RORA: variants seen among roughly 807,000 people sequenced by gnomAD.
RORA encodes nuclear receptor ROR-alpha.
A neutral mutation model predicts 69.5 loss-of-function variants in RORA; 7 were observed. The observed-to-expected ratio is 0.10, with a 90% CI of 0.06 to 0.19. The LOEUF is 0.19. RORA is among the 10% of genes least tolerant of loss of function. The pLI is 1.00. For missense variants in RORA, 457 were observed against 663.0 expected, an observed-to-expected ratio of 0.69 and a Z score of 3.41; for synonymous variants, 261 against 240.8, an observed-to-expected ratio of 1.08 and a Z score of -0.78.
chr15:61,035,056 C>A (rs1008293575), intron 1 of RORA, among the ~76,000 whole-genome samples: 3 of 152,106 alleles, frequency 2.0e-5, no homozygotes, highest in Non-Finnish European at 1.5e-5. Flanking sequence ...TATAAACAGA[C>A]CTTAATTAGC....
intron 2 of RORA, among the ~76,000 whole-genome samples, chr15:60,609,969 G>C (rs146519483): frequency 2.6e-4 from 39 of 152,264 alleles, no homozygotes; most frequent in African/African-American, 9.1e-4. Flanking sequence ...AAAGTCCAGG[G>C]ACTGATGTGA....
At chr15:60,744,283 G>A (rs1401313843) in intron 1 of RORA, among the ~76,000 whole-genome samples, 2 of 152,176 alleles carry the variant, frequency 1.3e-5, no homozygotes, top group Non-Finnish European at 2.9e-5. Flanking sequence ...AAACCAATGT[G>A]TGCTTCTTTG....
intron 9 of RORA, among the ~76,000 whole-genome samples, 192 bp downstream of exon 9, chr15:60,500,767 G>A (rs1254713016): frequency 6.6e-6 from 1 of 152,170 alleles, no homozygotes; most frequent in African/African-American, 2.4e-5. Context: ...TTTCTCAAAA[G>A]AATATATGTT....
intron 1 of RORA, among the ~76,000 whole-genome samples, chr15:61,103,143 G>A (rs1421917709): frequency 6.6e-6 from 1 of 152,178 alleles, no homozygotes; most frequent in African/African-American, 2.4e-5. Flanking sequence ...TGGAGTATGA[G>A]AGAAAGCAAT....
intron 1 of RORA, among the ~76,000 whole-genome samples, chr15:60,858,129 T>C (rs751270831): frequency 7.9e-5 from 12 of 152,192 alleles, no homozygotes; most frequent in Admixed American, 2.0e-4. Context: ...ATGGCCAGTA[T>C]ATAACGTTAC....
intron 2 of RORA, among the ~76,000 whole-genome samples, chr15:60,594,209 A>G (rs1277441419): frequency 1.3e-5 from 2 of 152,376 alleles, no homozygotes; most frequent in African/African-American, 4.8e-5. Context: ...CAAATGAATC[A>G]GCCATACCCA....
At chr15:61,054,554 G>A (rs1428684757) in intron 1 of RORA, among the ~76,000 whole-genome samples, 1 of 152,150 alleles carries the variant, frequency 6.6e-6, no homozygotes, top group East Asian at 1.9e-4. Flanking sequence ...CAGGCCTTTT[G>A]ATTTAGGCTC....
At chr15:60,974,448 G>T (rs1462990674) in intron 1 of RORA, among the ~76,000 whole-genome samples, 2 of 152,088 alleles carry the variant, frequency 1.3e-5, no homozygotes, top group African/African-American at 2.4e-5. Flanking sequence ...CACACAGCCA[G>T]CCAGGTAGTT....
chr15:60,963,837 T>C (rs747366068), intron 1 of RORA, among the ~76,000 whole-genome samples: 4 of 152,212 alleles, frequency 2.6e-5, no homozygotes, highest in Admixed American at 2.0e-4. Context: ...CTAGCCACAG[T>C]AGGAACTCTT....
chr15:60,726,578 C>A (rs1013805327), intron 1 of RORA, among the ~76,000 whole-genome samples: 1 of 152,208 alleles, frequency 6.6e-6, no homozygotes, highest in Non-Finnish European at 1.5e-5. Context: ...AGCATCCAAT[C>A]ATCTCTTGAA....
At chr15:60,584,880 A>G (rs572218154) in intron 2 of RORA, among the ~76,000 whole-genome samples, 1 of 152,354 alleles carries the variant, frequency 6.6e-6, no homozygotes, top group Admixed American at 6.5e-5. Context: ...AAACTTAACC[A>G]CAAGTCTTCA....
At chr15:60,777,352 C>G (rs2072184586) in intron 1 of RORA, among the ~76,000 whole-genome samples, 1 of 152,210 alleles carries the variant, frequency 6.6e-6, no homozygotes, top group African/African-American at 2.4e-5. Context: ...GCCTAGATAT[C>G]ACGAGACCCT....
chr15:60,516,045 ATT>A (rs1306317467), intron 3 of RORA, among the ~76,000 whole-genome samples: 10,019 of 19,614 alleles, frequency 0.51, 2,130 homozygotes, highest in Middle Eastern at 0.74. Flanking sequence ...ATATTTATAT[ATT>A]TATATATATT....
At chr15:61,042,790 T>C (rs1896845076) in intron 1 of RORA, among the ~76,000 whole-genome samples, 1 of 152,228 alleles carries the variant, frequency 6.6e-6, no homozygotes, top group Non-Finnish European at 1.5e-5. Flanking sequence ...ACCTCATTTT[T>C]GCCTGCCTGG....
intron 1 of RORA, among the ~76,000 whole-genome samples, chr15:60,891,919 G>C (rs981789731): frequency 1.3e-5 from 2 of 152,150 alleles, no homozygotes; most frequent in African/African-American, 4.8e-5. Flanking sequence ...GGTGGGTTTA[G>C]TACCACTCCT....
chr15:60,645,976 G>A (rs2070038077), intron 2 of RORA, among the ~76,000 whole-genome samples: 2 of 152,168 alleles, frequency 1.3e-5, no homozygotes, highest in Non-Finnish European at 2.9e-5. Context: ...CACCATATGT[G>A]AGCATGAAAA....
chr15:61,127,422 A>T (rs997027889), intron 1 of RORA, among the ~76,000 whole-genome samples: 7 of 152,236 alleles, frequency 4.6e-5, no homozygotes, highest in African/African-American at 1.7e-4. Flanking sequence ...CCACAAAAAA[A>T]GGTCCACATG....
intron 1 of RORA, among the ~76,000 whole-genome samples, chr15:61,206,302 G>C (rs1488948716): frequency 6.6e-6 from 1 of 152,172 alleles, no homozygotes; most frequent in African/African-American, 2.4e-5. Context: ...TGGCCACCCA[G>C]CAAGCGTCAG....
intron 3 of RORA, among the ~76,000 whole-genome samples, chr15:60,518,298 A>C (rs894112651): frequency 6.6e-5 from 10 of 152,270 alleles, no homozygotes; most frequent in African/African-American, 2.4e-4. Context: ...ACCCACCATT[A>C]ATAAAGTCCA....
Sources: gnomAD v4.1 joint callset for allele counts (sites outside exome capture counted in the v4.1 genomes callset) on GRCh38, gnomAD v4.1.1 for gene constraint, MANE v1.5 for transcripts, NCBI Gene and HGNC (gene_info 2026-07-23, HGNC 2026-07-21) for gene names.